The following SGSH variants were observed in gnomAD, a reference collection of about 807,000 sequenced individuals.
SGSH encodes heparan sulfate sulfatase.
SGSH carries 48 observed loss-of-function variants against 51.0 expected under a neutral mutation model. The ratio of observed to expected loss-of-function variants is 0.94; its 90% CI spans 0.75 to 1.20. SGSH has a LOEUF of 1.20. SGSH is among the 50% of genes most tolerant of loss of function. The pLI, the probability that SGSH is intolerant of heterozygous loss-of-function variation, is 0.00. For missense variants in SGSH, 662 were observed against 717.8 expected (o/e 0.92, Z 0.89); for synonymous variants, 321 against 313.4 (o/e 1.02, Z -0.26).
chr17:80,211,969 G>C, intron 7 of SGSH, 102 bp downstream of exon 7: 1 of 928,530 alleles, frequency 1.1e-6, no homozygotes, highest in East Asian at 2.6e-5. Context: ...GATGATATGA[G>C]AGCCACATTA....
intron 3 of SGSH, 49 bp from the exon 4 acceptor site, chr17:80,214,814 T>C (rs747027646): frequency 1.9e-6 from 3 of 1,598,186 alleles, no homozygotes; most frequent in South Asian, 2.2e-5. Context: ...CTCCCAACCC[T>C]TTCTGCTCCC....
At position 80,214,278 on chromosome 17, in the gene SGSH, G is replaced by A. The variant is rs1273864238; in HGVS notation, c.557C>T (p.Ser186Phe). 1.2e-6 allele frequency: 2 copies of A among 1,613,186 alleles called. No individual in the cohort carries two copies. The highest frequency in any genetic ancestry group is 1.7e-6 in the Non-Finnish European group (2 of 1,180,036). The change falls in exon 5 of 8, where the codon TCC becomes TTC. Residue 186 changes from serine to phenylalanine, a missense_variant. Coordinates refer to ENST00000326317, the MANE Select transcript of SGSH (RefSeq NM_000199.5). ...AFHDPHRCGH[S>F]QPQYGTFCEK... ...ACAGAAGGTTCCGTACTGGGGCTGGGAGTGCCCACAGCGGTGGGGGTCGTG... is the reference window on the plus strand; with the variant it reads ...ACAGAAGGTTCCGTACTGGGGCTGGAAGTGCCCACAGCGGTGGGGGTCGTG...
chr17:80,213,561 C>T lies in SGSH; in HGVS notation c.745+243G>A, dbSNP rs945816558. 14 of 580,990 alleles carry T rather than the reference C, an allele frequency of 2.4e-5. No homozygotes were observed. The highest frequency in any genetic ancestry group is 3.7e-5 in the African/African-American group (2 of 53,534). 36.0% of individuals were successfully genotyped at this position (580,990 alleles called of 1,614,324 possible). On this transcript the variant is annotated intron_variant, in intron 6 of 7. Transcript: ENST00000326317. This position sits in a 1 kb window ranked among gnomAD's most constrained non-coding sequence, Gnocchi z 4.6. Reference sequence around the variant, plus strand: ...TGACTGGAAATATCTGAAGTCTTCACGCAACCTCTGGGGCACCCGAAGGCC... The same window carrying T: ...TGACTGGAAATATCTGAAGTCTTCATGCAACCTCTGGGGCACCCGAAGGCC...
downstream of SGSH, chr17:80,204,270 T>C: frequency 6.2e-7 from 1 of 1,600,638 alleles, no homozygotes; most frequent in South Asian, 1.1e-5. Flanking sequence ...ATCGTCAGTA[T>C]GGACAAAGCC....
chr17:80,214,296 G>A lies in SGSH; in HGVS notation c.539C>T (p.Pro180Leu). ...GGGCTGGGAGTGCCCACAGCGGTGG[G>A]GGTCGTGGAAGGCGACGTAGAGGAA... ...PFFLYVAFHD[P>L]HRCGHSQPQY... Residue 180 changes from proline to leucine, a missense_variant, in exon 5 of 8, where the codon CCC becomes CTC. Coordinates refer to ENST00000326317, the MANE Select transcript of SGSH (RefSeq NM_000199.5). 6.2e-7 allele frequency: 1 copy of A among 1,613,186 alleles called. No individual in the cohort carries two copies. The highest frequency in any genetic ancestry group is 8.5e-7 in the Non-Finnish European group (1 of 1,180,020).
intron 1 of SGSH, among the ~76,000 whole-genome samples, chr17:80,219,460 C>T (rs562803452): frequency 4.6e-5 from 7 of 152,364 alleles, no homozygotes; most frequent in African/African-American, 1.4e-4. Context: ...AATTCTGATC[C>T]GCAGGTGAGG....
chr17:80,203,565 C>G (rs1179760177), downstream of SGSH: 1 of 451,454 alleles, frequency 2.2e-6, no homozygotes, highest in African/African-American at 2.0e-5. The surrounding 1 kb of genome is among the most constrained non-coding windows in gnomAD (Gnocchi z 4.6). Flanking sequence ...ACAGCACCCC[C>G]TGGGTCCCGC....
rs533744464 is a variant in SGSH, at chr17:80,219,440, C to T, written c.88+786G>A. Among the ~76,000 whole-genome samples, 596 of 152,330 alleles carry T rather than the reference C, an allele frequency of 3.9e-3. 5 individuals carry two copies. The highest frequency in any genetic ancestry group is 0.013 in the African/African-American group (549 of 41,554). On this transcript the variant is annotated intron_variant, in intron 1 of 7. Coordinates refer to ENST00000326317, the MANE Select transcript of SGSH (RefSeq NM_000199.5). ...GCCGCATAGCCTGGACTCTGACAGC[C>T]TCCTGTAGGAATTCTGATCCGCAGG...
intron 1 of SGSH, among the ~76,000 whole-genome samples, chr17:80,218,038 A>C (rs2041956030): frequency 6.6e-6 from 1 of 152,230 alleles, no homozygotes; most frequent in Non-Finnish European, 1.5e-5. Context: ...TGCAGGCATG[A>C]TGACCCAACA....
At chr17:80,205,737 G>A, downstream of SGSH, 1 of 1,378,990 alleles carries the variant, frequency 7.3e-7, no homozygotes. Context: ...TAAAGGTACA[G>A]GGACCGACCT....
chr17:80,215,708 A>G (rs2041865857), intron 2 of SGSH, among the ~76,000 whole-genome samples: 1 of 151,972 alleles, frequency 6.6e-6, no homozygotes, highest in South Asian at 2.1e-4. Context: ...AGTCCCAGCT[A>G]CTCGGGAGGC....
At chr17:80,203,972 G>T, downstream of SGSH, 1 of 1,126,696 alleles carries the variant, frequency 8.9e-7, no homozygotes, top group Admixed American at 2.3e-5. This position sits in a 1 kb window ranked among gnomAD's most constrained non-coding sequence, Gnocchi z 4.6. Context: ...GGCACTGTGT[G>T]GAGAGTGGGC....
chr17:80,202,504 G>T, downstream of SGSH: 2 of 1,546,100 alleles, frequency 1.3e-6, no homozygotes, highest in Non-Finnish European at 1.7e-6. Context: ...TCCTCCTCCT[G>T]CCCAGCAATA....
chr17:80,211,513 T>C (rs2041665397), intron 7 of SGSH: 1 of 262,530 alleles, frequency 3.8e-6, no homozygotes, highest in Non-Finnish European at 7.5e-6. Context: ...CCTCACAAAG[T>C]CTTCCTGCAC....
At chr17:80,205,142 G>A (rs760484322), downstream of SGSH, 2 of 1,613,822 alleles carry the variant, frequency 1.2e-6, no homozygotes, top group Non-Finnish European at 8.5e-7. Flanking sequence ...CGTGCCCAGG[G>A]CGGTTGGGAA....
intron 1 of SGSH, 24 bp downstream of exon 1, chr17:80,220,202 T>TG (rs1223169224): frequency 7.5e-5 from 112 of 1,495,470 alleles, no homozygotes; most frequent in African/African-American, 1.3e-4. Context: ...CAGGTGGGCG[T>TG]GGGGGGGCGG....
Position 80,215,091 on chromosome 17 carries a change from G to A in SGSH, c.297C>T (p.Asn99=), listed in dbSNP as rs755846091. 1 of 1,612,458 alleles carries A rather than the reference G, an allele frequency of 6.2e-7. No homozygotes were observed. The highest frequency in any genetic ancestry group is 8.5e-7 in the Non-Finnish European group (1 of 1,179,974). Residue 99 remains asparagine, a synonymous_variant, in exon 3 of 8, where the codon AAC becomes AAT. Coordinates refer to ENST00000326317, the MANE Select transcript of SGSH (RefSeq NM_000199.5). ...GCAGGCTCCGCACCTTGTCGAAGGAGTTGAAGTGGTGCACGTCCTGGTGCA... is the reference window on the plus strand; with the variant it reads ...GCAGGCTCCGCACCTTGTCGAAGGAATTGAAGTGGTGCACGTCCTGGTGCA... ...YGLHQDVHHF[N]SFDKVRSLPL...
downstream of SGSH, chr17:80,202,102 CTACTTT>C: frequency 1.5e-6 from 2 of 1,366,850 alleles, no homozygotes; most frequent in Admixed American, 3.6e-5. Flanking sequence ...TCCTTCTCTC[CTACTTT>C]AATTTTCTGC....
At chr17:80,215,833 C>G (rs1177489233) in intron 2 of SGSH, among the ~76,000 whole-genome samples, 3 of 152,096 alleles carry the variant, frequency 2.0e-5, no homozygotes, top group Non-Finnish European at 4.4e-5. Context: ...TGTCCTTAAA[C>G]ACCCATGTTC....
Sources: gnomAD v4.1 joint callset for allele counts (sites outside exome capture counted in the v4.1 genomes callset) on GRCh38, gnomAD v4.1.1 for gene constraint, Gnocchi (gnomAD v3.1) non-coding constraint, MANE v1.5 for transcripts, NCBI Gene and HGNC (gene_info 2026-07-23, HGNC 2026-07-21) for gene names.